The following PIGU variants were observed in gnomAD, a reference collection of about 807,000 sequenced individuals.
The protein encoded by PIGU is GPI-anchor transamidase component PIGU.
Under a neutral mutation model 49.9 loss-of-function variants are expected in PIGU, and 24 were observed. That is an observed-to-expected ratio of 0.48 (90% confidence interval 0.35 to 0.68). The LOEUF (loss-of-function observed/expected upper bound fraction) is 0.68. Among genes scored for constraint, PIGU ranks in the 30% least tolerant of loss-of-function variants. The probability of loss-of-function intolerance (pLI) is 0.01; values close to 1 mark genes in which losing one functional copy is unlikely to be tolerated. For synonymous variants in PIGU, 220 were observed against 205.7 expected (o/e 1.07, Z -0.59); for missense variants, 490 against 532.6 (o/e 0.92, Z 0.79).
At chr20:34,676,931 A>G (rs377169532) in intron 1 of PIGU, 25 bp downstream of exon 1, 6 of 1,559,352 alleles carry the variant, frequency 3.8e-6, no homozygotes, top group Admixed American at 1.9e-5. Context: ...GGGGCCTGAC[A>G]GTCTGCTCGA....
chr20:34,585,560 G>C lies in PIGU; in HGVS notation c.803C>G (p.Thr268Ser). 6.2e-7 allele frequency: 1 copy of C among 1,613,718 alleles called. No individual in the cohort carries two copies. Among genetic ancestry groups the C allele is most frequent in the Non-Finnish European group, 8.5e-7 (1 of 1,179,610 alleles). The change falls in exon 9 of 12, where the codon ACT becomes AGT. Residue 268 changes from threonine (T) to serine (S), a missense_variant. By Grantham distance (58) the Thr-to-Ser change is moderately conservative. Coordinates refer to ENST00000217446, the MANE Select transcript of PIGU (RefSeq NM_080476.5). The part of the protein sequence containing the change: ...YGFILSVPDL[T>S]PNIGLFWYFF... ...GTACCAGAAAAGACCAATGTTTGGA[G>C]TGAGATCTGGAACAGAAAGTCTGGA... is the stretch of plus-strand genomic sequence containing the variant.
intron 7 of PIGU, among the ~76,000 whole-genome samples, chr20:34,596,609 T>G (rs1261735241): frequency 6.6e-6 from 1 of 152,166 alleles, no homozygotes; most frequent in African/African-American, 2.4e-5. Context: ...AAACCATCTG[T>G]TACATGGTTG....
chr20:34,617,013 G>A (rs1409092726), intron 6 of PIGU, among the ~76,000 whole-genome samples: 1 of 152,208 alleles, frequency 6.6e-6, no homozygotes, highest in Non-Finnish European at 1.5e-5. Context: ...AGGAGGCTGA[G>A]GCAGAAGAAT....
At chr20:34,644,051 T>C (rs1368237706) in intron 4 of PIGU, 113 bp downstream of exon 4, 4 of 972,184 alleles carry the variant, frequency 4.1e-6, no homozygotes, top group Non-Finnish European at 6.4e-6. Flanking sequence ...AGTTTCACCA[T>C]CACTTCCTAG....
At chr20:34,616,537 C>G (rs1985013651) in intron 6 of PIGU, among the ~76,000 whole-genome samples, 1 of 152,132 alleles carries the variant, frequency 6.6e-6, no homozygotes, top group Admixed American at 6.5e-5. Context: ...GAAACCCATC[C>G]CTTTGACTGT....
At chr20:34,566,945 G>A (rs532919354) in intron 11 of PIGU, among the ~76,000 whole-genome samples, 1 of 152,322 alleles carries the variant, frequency 6.6e-6, no homozygotes, top group South Asian at 2.1e-4. Context: ...GCCAGTAGAG[G>A]TTGTTAATAC....
intron 5 of PIGU, among the ~76,000 whole-genome samples, chr20:34,635,940 C>T (rs967999299): frequency 6.6e-6 from 1 of 151,944 alleles, no homozygotes; most frequent in Non-Finnish European, 1.5e-5. Flanking sequence ...CACCTGTAAT[C>T]CCAGCACTTT....
intron 1 of PIGU, among the ~76,000 whole-genome samples, chr20:34,667,408 C>T (rs1377764265): frequency 6.6e-6 from 1 of 151,844 alleles, no homozygotes; most frequent in South Asian, 2.1e-4. Flanking sequence ...GTGGTCAATT[C>T]CAGGGCTGAA....
intron 11 of PIGU, among the ~76,000 whole-genome samples, chr20:34,563,494 GGA>G (rs1982615790): frequency 6.6e-6 from 1 of 152,156 alleles, no homozygotes; most frequent in Non-Finnish European, 1.5e-5. Flanking sequence ...TTTGAACCTG[GGA>G]GGCGGAGATG....
intron 11 of PIGU, among the ~76,000 whole-genome samples, chr20:34,574,352 C>T (rs1170320918): frequency 1.3e-5 from 2 of 152,206 alleles, no homozygotes; most frequent in African/African-American, 4.8e-5. Context: ...TAAAACAGAG[C>T]CATGTACTTG....
At chr20:34,658,352 C>G (rs1156631553) in intron 1 of PIGU, among the ~76,000 whole-genome samples, 1 of 152,206 alleles carries the variant, frequency 6.6e-6, no homozygotes, top group Non-Finnish European at 1.5e-5. Context: ...ACAACCTCCA[C>G]CTCCCAGCCA....
intron 11 of PIGU, among the ~76,000 whole-genome samples, chr20:34,565,862 A>G (rs941331949): frequency 6.7e-6 from 1 of 149,498 alleles, no homozygotes; most frequent in Non-Finnish European, 1.5e-5. Flanking sequence ...ACACAGGTGC[A>G]CACATACACG....
chr20:34,629,489 GA>G (rs1985620143), intron 6 of PIGU, among the ~76,000 whole-genome samples: 1 of 152,176 alleles, frequency 6.6e-6, no homozygotes, highest in African/African-American at 2.4e-5. Flanking sequence ...ATGTGGAGCA[GA>G]GCCCAACCTA....
At chr20:34,662,108 T>C (rs891686628) in intron 1 of PIGU, among the ~76,000 whole-genome samples, 1 of 152,202 alleles carries the variant, frequency 6.6e-6, no homozygotes, top group Non-Finnish European at 1.5e-5. Context: ...GTTCTCGCTC[T>C]ATTGCCCAGG....
At chr20:34,625,759 A>C (rs923105749) in intron 6 of PIGU, among the ~76,000 whole-genome samples, 1 of 150,944 alleles carries the variant, frequency 6.6e-6, no homozygotes, top group East Asian at 1.9e-4. Flanking sequence ...AAAGAAAAAA[A>C]CCCAACTAGG....
At chr20:34,587,657 C>A (rs931399308) in intron 8 of PIGU, among the ~76,000 whole-genome samples, 1 of 152,126 alleles carries the variant, frequency 6.6e-6, no homozygotes, top group Non-Finnish European at 1.5e-5. Flanking sequence ...ATTCTCCCAC[C>A]CTGCCGGCAT....
chr20:34,643,622 G>C (rs1178330862), intron 4 of PIGU: 1 of 152,262 alleles, frequency 6.6e-6, no homozygotes, highest in African/African-American at 2.4e-5. Context: ...GTCCCACTAT[G>C]CAATTCTCCT....
intron 4 of PIGU, among the ~76,000 whole-genome samples, chr20:34,642,509 T>C (rs951932641): frequency 6.6e-6 from 1 of 151,882 alleles, no homozygotes; most frequent in Non-Finnish European, 1.5e-5. Flanking sequence ...AAAATACATA[T>C]GGCATTAGCA....
intron 1 of PIGU, among the ~76,000 whole-genome samples, chr20:34,674,777 AAATAAT>A (rs200166240): frequency 6.6e-6 from 1 of 151,784 alleles, no homozygotes; most frequent in Admixed American, 6.6e-5. Context: ...AAATACAAAA[AAATAAT>A]AATAATAACA....
Sources: allele counts gnomAD v4.1 joint callset (sites outside exome capture counted in the v4.1 genomes callset), GRCh38; gene constraint gnomAD v4.1.1; transcripts MANE v1.5; gene names NCBI Gene and HGNC (gene_info 2026-07-23, HGNC 2026-07-21).